CSMD1: variants seen among roughly 807,000 people sequenced by gnomAD.
CSMD1 encodes CUB and Sushi multiple domains 1.
CSMD1 carries 213 observed loss-of-function variants against 417.5 expected under a neutral mutation model. The ratio of observed to expected loss-of-function variants is 0.51; its 90% CI spans 0.46 to 0.57. The LOEUF is 0.57. CSMD1 is among the 20% of genes least tolerant of loss of function. CSMD1 has a pLI of 0.00. For missense variants in CSMD1, 6,923 were observed against 4,529.7 expected (o/e 1.53, Z -15.17); for synonymous variants, 2,862 against 1,736.8 (o/e 1.65, Z -16.11).
At chr8:4,137,434 A>C (rs1803506833) in intron 3 of CSMD1, among the ~76,000 whole-genome samples, 1 of 133,928 alleles carries the variant, frequency 7.5e-6, no homozygotes, top group African/African-American at 2.5e-5. Flanking sequence ...TAATGAAATT[A>C]AATATATTGT....
intron 2 of CSMD1, among the ~76,000 whole-genome samples, chr8:4,636,629 T>C (rs1450913177): frequency 7.9e-5 from 12 of 152,244 alleles, no homozygotes; most frequent in Non-Finnish European, 2.9e-5. Context: ...TTTATTTAAA[T>C]TACCTTGACA....
At chr8:3,608,869 C>G (rs944355464) in intron 8 of CSMD1, among the ~76,000 whole-genome samples, 2 of 151,988 alleles carry the variant, frequency 1.3e-5, no homozygotes, top group African/African-American at 2.4e-5. Context: ...TTGCAGTGAT[C>G]AATTAAACCA....
intron 1 of CSMD1, among the ~76,000 whole-genome samples, chr8:4,707,667 A>C (rs1808027989): frequency 6.6e-6 from 1 of 151,920 alleles, no homozygotes; most frequent in Non-Finnish European, 1.5e-5. Flanking sequence ...CGGGCGGATC[A>C]CCTGAGGTCA....
At chr8:4,336,124 G>T (rs1280796017) in intron 3 of CSMD1, among the ~76,000 whole-genome samples, 2 of 152,002 alleles carry the variant, frequency 1.3e-5, no homozygotes, top group Non-Finnish European at 2.9e-5. Flanking sequence ...TTCCTGTTCT[G>T]TATAAACTTC....
At position 4,800,875 on chromosome 8, in the gene CSMD1, T is replaced by TCA. The variant is rs1252671691; in HGVS notation, c.86-163319_86-163318dup. Among the ~76,000 whole-genome samples, 4 of 152,350 alleles carry TCA rather than the reference T, an allele frequency of 2.6e-5. No individual in the cohort carries two copies. In the East Asian group the frequency reaches 7.7e-4, roughly 29 times the overall value. ...AAACCTCAACTTTAATTCTTCCCTT[T>TCA]CACACATGGAACTTACGTCTTGTAC... On this transcript the variant is annotated intron_variant, in intron 1 of 69. Coordinates refer to ENST00000635120, the MANE Select transcript of CSMD1 (RefSeq NM_033225.6).
chr8:4,334,062 T>G (rs367804983), intron 3 of CSMD1, among the ~76,000 whole-genome samples: 29 of 151,582 alleles, frequency 1.9e-4, no homozygotes, highest in Admixed American at 4.6e-4. Context: ...TTTCATTAAT[T>G]ATGATGATGA....
Position 2,972,380 on chromosome 8 carries a change from A to C in CSMD1, c.8923+737T>G, listed in dbSNP as rs149844245. Among the ~76,000 whole-genome samples the C allele has an allele frequency of 4.6e-5, 7 of 152,330 alleles. No individual in the cohort carries two copies. The East Asian group carries it at 1.4e-3, about 29-fold the overall frequency. On this transcript the variant is annotated intron_variant, in intron 57 of 69. Coordinates refer to ENST00000635120, the MANE Select transcript of CSMD1 (RefSeq NM_033225.6). The stretch of plus-strand genomic sequence containing the variant: ...TTGAATTAATTTGTATAACCTTTTT[A>C]GACTGAAAATTTAATTGAGGAGTTT...
At chr8:4,754,108 T>A (rs145058770) in intron 1 of CSMD1, among the ~76,000 whole-genome samples, 10 of 152,290 alleles carry the variant, frequency 6.6e-5, no homozygotes, top group African/African-American at 2.2e-4. Flanking sequence ...AATCGTATGT[T>A]ACATTAAACA....
At chr8:3,223,898 G>A (rs534420341) in intron 27 of CSMD1, 31 bp from the exon 28 acceptor site, 5 of 1,611,286 alleles carry the variant, frequency 3.1e-6, no homozygotes, top group Admixed American at 1.7e-5. Flanking sequence ...CAGAGAAAAA[G>A]TAAGGACAGC....
At chr8:4,976,694 T>A (rs1480726731) in intron 1 of CSMD1, among the ~76,000 whole-genome samples, 1 of 152,218 alleles carries the variant, frequency 6.6e-6, no homozygotes. Context: ...CCAGCATTTT[T>A]ATTTGTTTTA....
At chr8:3,994,809 T>A (rs996404369) in intron 5 of CSMD1, among the ~76,000 whole-genome samples, 4 of 152,190 alleles carry the variant, frequency 2.6e-5, no homozygotes, top group South Asian at 4.1e-4. Context: ...CACTCCAAAT[T>A]AAATGAAAAT....
intron 1 of CSMD1, among the ~76,000 whole-genome samples, chr8:4,678,675 C>A (rs555520715): frequency 6.6e-6 from 1 of 152,152 alleles, no homozygotes; most frequent in Non-Finnish European, 1.5e-5. Context: ...TACCTTTCAA[C>A]AGAAGGCATC....
intron 25 of CSMD1, among the ~76,000 whole-genome samples, chr8:3,306,362 T>A (rs1455052785): frequency 2.0e-5 from 3 of 152,190 alleles, no homozygotes; most frequent in South Asian, 4.1e-4. Context: ...TTAGTGGTGA[T>A]GGAGTTTTGC....
At chr8:3,407,530 G>C (rs1211779395) in intron 14 of CSMD1, among the ~76,000 whole-genome samples, 2 of 151,914 alleles carry the variant, frequency 1.3e-5, no homozygotes, top group East Asian at 3.9e-4. Flanking sequence ...CAGATGGACA[G>C]ATGGATGGAT....
chr8:4,667,309 T>C (rs976736723), intron 1 of CSMD1, among the ~76,000 whole-genome samples: 4 of 152,194 alleles, frequency 2.6e-5, no homozygotes, highest in Admixed American at 6.5e-5. Flanking sequence ...TTAGTGCTTC[T>C]TTCTTAAAAT....
intron 54 of CSMD1, among the ~76,000 whole-genome samples, chr8:2,992,692 T>C (rs1806503268): frequency 1.3e-5 from 2 of 152,114 alleles, no homozygotes; most frequent in Admixed American, 1.3e-4. Flanking sequence ...CCCAAAGTGC[T>C]GTGACTATAG....
intron 7 of CSMD1, among the ~76,000 whole-genome samples, chr8:3,627,453 C>G (rs561426743): frequency 6.6e-6 from 1 of 152,254 alleles, no homozygotes; most frequent in Admixed American, 6.5e-5. Flanking sequence ...ACTGAGAAGA[C>G]TATGTAGGTT....
intron 1 of CSMD1, among the ~76,000 whole-genome samples, chr8:4,987,451 T>C (rs1382887244): frequency 3.3e-5 from 5 of 152,214 alleles, no homozygotes; most frequent in African/African-American, 4.8e-5. Flanking sequence ...GGTTCATGGT[T>C]TATAATTATC....
chr8:3,976,224 T>C (rs1477360953), intron 5 of CSMD1, among the ~76,000 whole-genome samples: 1 of 152,180 alleles, frequency 6.6e-6, no homozygotes, highest in South Asian at 2.1e-4. Context: ...GTTTCAAAAA[T>C]ACTTTAAATA....
Sources: allele counts gnomAD v4.1 joint callset (sites outside exome capture counted in the v4.1 genomes callset), GRCh38; gene constraint gnomAD v4.1.1; transcripts MANE v1.5; gene names NCBI Gene and HGNC (gene_info 2026-07-23, HGNC 2026-07-21).